Variants in NTNG1 observed in about 807,000 individuals in gnomAD.
NTNG1 encodes the protein netrin-G1.
A neutral mutation model predicts 54.0 loss-of-function variants in NTNG1; 16 were observed. That is an observed-to-expected ratio of 0.30 (90% CI 0.20 to 0.45). The LOEUF (loss-of-function observed/expected upper bound fraction) is 0.45, where lower values mean the gene tolerates loss of function less well. Among genes scored for constraint, NTNG1 ranks in the 20% least tolerant of loss-of-function variants. The pLI, the probability that NTNG1 is intolerant of heterozygous loss-of-function variation, is 1.00. For synonymous variants in NTNG1, 255 were observed against 263.1 expected (o/e 0.97, Z 0.30); for missense variants, 530 against 678.7 (o/e 0.78, Z 2.43).
intron 3 of NTNG1, among the ~76,000 whole-genome samples, chr1:107,340,224 AGAAAGACAT>A (rs1198175955): frequency 2.6e-4 from 39 of 152,076 alleles, no homozygotes; most frequent in Non-Finnish European, 5.1e-4. Context: ...ATATATGCTT[AGAAAGACAT>A]GCTTTATTTC....
intron 2 of NTNG1, among the ~76,000 whole-genome samples, chr1:107,240,828 C>T (rs1661777584): frequency 6.6e-6 from 1 of 152,036 alleles, no homozygotes; most frequent in South Asian, 2.1e-4. Context: ...AATTTTGCTG[C>T]CATATGCTGG....
intron 3 of NTNG1, among the ~76,000 whole-genome samples, chr1:107,394,373 A>G (rs1026007252): frequency 1.3e-5 from 2 of 152,156 alleles, no homozygotes; most frequent in African/African-American, 4.8e-5. Flanking sequence ...GGCTTTATTC[A>G]TAGGCAGCAA....
chr1:107,191,400 T>C (rs1487915749), intron 2 of NTNG1, among the ~76,000 whole-genome samples: 2 of 152,260 alleles, frequency 1.3e-5, no homozygotes, highest in East Asian at 3.9e-4. Context: ...TGATGGTAGT[T>C]TCTTTTGCTG....
chr1:107,352,335 C>A lies in NTNG1; in HGVS notation c.887+27413C>A, dbSNP rs367552897. ...TGCAGCAGGCTTCTGCCTGGACATT[C>A]AGGCTTTTCCATATATCCTCTGAAA... On this transcript the variant is annotated intron_variant, in intron 3 of 7. Coordinates refer to ENST00000370068, the MANE Select transcript of NTNG1 (RefSeq NM_001113226.3). Among the ~76,000 whole-genome samples, 38 of 152,046 alleles carry A rather than the reference C, an allele frequency of 2.5e-4. No individual in the cohort carries two copies. In the South Asian group the frequency reaches 4.1e-3, roughly 17 times the overall value.
chr1:107,185,971 C>T (rs1031919999), intron 2 of NTNG1, among the ~76,000 whole-genome samples: 6 of 152,024 alleles, frequency 3.9e-5, no homozygotes, highest in Non-Finnish European at 8.8e-5. Context: ...CAACCAGCAC[C>T]CAAATATTGT....
At chr1:107,350,082 T>C (rs1669509863) in intron 3 of NTNG1, among the ~76,000 whole-genome samples, 1 of 152,158 alleles carries the variant, frequency 6.6e-6, no homozygotes. Context: ...AACTTATTAA[T>C]TTTTTTCAGC....
intron 2 of NTNG1, among the ~76,000 whole-genome samples, chr1:107,283,173 C>G (rs1338720710): frequency 6.6e-6 from 1 of 152,130 alleles, no homozygotes; most frequent in East Asian, 1.9e-4. Flanking sequence ...GAGAGTAGCA[C>G]CCAGTCTTTC....
At chr1:107,411,856 C>A (rs1673837167) in intron 5 of NTNG1, among the ~76,000 whole-genome samples, 1 of 152,152 alleles carries the variant, frequency 6.6e-6, no homozygotes, top group South Asian at 2.1e-4. Context: ...GTGTAAATGG[C>A]ATTTCACATT....
At chr1:107,335,711 T>C (rs186256432) in intron 3 of NTNG1, among the ~76,000 whole-genome samples, 123 of 152,082 alleles carry the variant, frequency 8.1e-4, no homozygotes, top group African/African-American at 2.8e-3. Context: ...AAAAATAGTT[T>C]TTAAAATTAA....
At chr1:107,385,552 A>G (rs1224307595) in intron 3 of NTNG1, among the ~76,000 whole-genome samples, 6 of 151,882 alleles carry the variant, frequency 4.0e-5, no homozygotes, top group Non-Finnish European at 5.9e-5. Context: ...TTATCTTTAT[A>G]CTGGTGACTG....
chr1:107,284,273 T>TTGTGAA (rs1051301477), intron 2 of NTNG1, among the ~76,000 whole-genome samples: 7 of 152,070 alleles, frequency 4.6e-5, no homozygotes, highest in Admixed American at 3.9e-4. Flanking sequence ...TCAAGGTGAT[T>TTGTGAA]TGTGAGAATT....
intron 7 of NTNG1, among the ~76,000 whole-genome samples, chr1:107,478,730 A>C (rs1367260595): frequency 2.0e-5 from 3 of 152,260 alleles, no homozygotes; most frequent in Admixed American, 2.0e-4. Flanking sequence ...AGCTGAAAAC[A>C]GTTATCTGGA....
At chr1:107,372,922 C>T (rs1671013031) in intron 3 of NTNG1, among the ~76,000 whole-genome samples, 2 of 152,244 alleles carry the variant, frequency 1.3e-5, no homozygotes, top group African/African-American at 4.8e-5. Context: ...TTGCTCTGAA[C>T]CCTGCTTAGT....
intron 4 of NTNG1, among the ~76,000 whole-genome samples, chr1:107,399,063 T>C (rs1672860790): frequency 6.6e-6 from 1 of 152,172 alleles, no homozygotes; most frequent in Non-Finnish European, 1.5e-5. Context: ...GGCTATGTTC[T>C]ATGACCCATA....
At chr1:107,421,316 A>T (rs569451328) in intron 5 of NTNG1, among the ~76,000 whole-genome samples, 1 of 152,188 alleles carries the variant, frequency 6.6e-6, no homozygotes, top group African/African-American at 2.4e-5. Context: ...AAGAAAAAAA[A>T]ATGCTTCACT....
intron 2 of NTNG1, among the ~76,000 whole-genome samples, chr1:107,323,616 A>T (rs1458662126): frequency 6.6e-6 from 1 of 152,220 alleles, no homozygotes; most frequent in East Asian, 1.9e-4. Context: ...TTTCCTGAAC[A>T]ATCCTTTTAT....
chr1:107,176,837 G>A (rs1054759645), intron 2 of NTNG1, among the ~76,000 whole-genome samples: 3 of 151,872 alleles, frequency 2.0e-5, no homozygotes, highest in Non-Finnish European at 2.9e-5. Flanking sequence ...ACAAATATAC[G>A]TAGTCTAAAG....
intron 7 of NTNG1, among the ~76,000 whole-genome samples, chr1:107,462,101 T>C (rs1677316745): frequency 6.6e-6 from 1 of 152,138 alleles, no homozygotes; most frequent in Non-Finnish European, 1.5e-5. Context: ...GCTGAAAAAG[T>C]GTTAAATCTA....
chr1:107,158,666 A>T (rs1655180830), intron 2 of NTNG1, among the ~76,000 whole-genome samples: 1 of 152,108 alleles, frequency 6.6e-6, no homozygotes, highest in Non-Finnish European at 1.5e-5. Context: ...AATCAAGTAC[A>T]CTTCCAGACA....
Sources: gnomAD v4.1 joint callset for allele counts (sites outside exome capture counted in the v4.1 genomes callset) on GRCh38, gnomAD v4.1.1 for gene constraint, MANE v1.5 for transcripts, NCBI Gene and HGNC (gene_info 2026-07-23, HGNC 2026-07-21) for gene names.